GAS5: variants seen among roughly 807,000 people sequenced by gnomAD.
The protein encoded by GAS5 is growth arrest specific 5 (non-protein coding).
At chr1:173,867,746 G>A (rs375279785), upstream of GAS5, 10 of 518,966 alleles carry the variant, frequency 1.9e-5, no homozygotes, top group Non-Finnish European at 3.8e-5. Context: ...TCAGAGGCAG[G>A]GCACGAGAGC....
intron 4 of GAS5, chr1:173,866,167 T>A: frequency 2.1e-6 from 1 of 468,380 alleles, no homozygotes; most frequent in South Asian, 1.5e-5. Flanking sequence ...TTGGATACAG[T>A]TTCACTTACC....
chr1:173,866,470 T>G, intron 3 of GAS5: 2 of 640,754 alleles, frequency 3.1e-6, no homozygotes, highest in East Asian at 6.0e-5. Flanking sequence ...TAATCATCAT[T>G]GCTTTGGCTA....
Sources: gnomAD v4.1 joint callset for allele counts on GRCh38, gnomAD v4.1.1 for gene constraint, MANE v1.5 for transcripts, NCBI Gene and HGNC (gene_info 2026-07-23, HGNC 2026-07-21) for gene names.